Variants in NAT1 observed in about 807,000 individuals in gnomAD.
NAT1 encodes the protein arylamine N-acetyltransferase 1.
For missense variants in NAT1, 400 were observed against 339.2 expected (o/e 1.18, Z -1.41); for synonymous variants, 144 against 122.6 (o/e 1.17, Z -1.16).
chr8:18,175,285 G>A (rs1280915478), intron 2 of NAT1, among the ~76,000 whole-genome samples: 12 of 151,880 alleles, frequency 7.9e-5, no homozygotes. Context: ...TGGTCAAAAT[G>A]CAGTGCAACC....
At chr8:18,194,588 A>T (rs953464053) in intron 2 of NAT1, among the ~76,000 whole-genome samples, 69 of 152,212 alleles carry the variant, frequency 4.5e-4, no homozygotes, top group African/African-American at 1.6e-3. Flanking sequence ...TGGGAGGCTG[A>T]GGCAGGTGAT....
intron 2 of NAT1, 61 bp downstream of exon 2, chr8:18,219,550 T>G: frequency 1.2e-6 from 1 of 856,428 alleles, no homozygotes; most frequent in Non-Finnish European, 1.9e-6. Flanking sequence ...CTCTGCCTCC[T>G]TTAAGTCTTA....
intron 2 of NAT1, chr8:18,170,792 A>G (rs1802067735): frequency 1.3e-5 from 2 of 151,996 alleles, no homozygotes; most frequent in Admixed American, 6.6e-5. Flanking sequence ...CTGGGCCTGA[A>G]TTGCTGGGTG....
chr8:18,211,718 C>T (rs1804123591), intron 1 of NAT1, among the ~76,000 whole-genome samples: 1 of 152,060 alleles, frequency 6.6e-6, no homozygotes, highest in Non-Finnish European at 1.5e-5. Context: ...GCCCAGTGAG[C>T]TGGCTTAGGA....
intron 2 of NAT1, among the ~76,000 whole-genome samples, chr8:18,176,366 C>T (rs539719589): frequency 3.6e-4 from 55 of 151,976 alleles, no homozygotes; most frequent in Non-Finnish European, 6.9e-4. Context: ...TCAGGTCTTA[C>T]GTTTAAGTAT....
chr8:18,221,946 G>A (rs1589130623), intron 2 of NAT1, 96 bp from the exon 3 acceptor site: 2 of 1,250,640 alleles, frequency 1.6e-6, no homozygotes, highest in East Asian at 2.3e-5. Flanking sequence ...TATAACCATT[G>A]TATTTTTACA....
At chr8:18,189,891 G>A (rs1007706920) in intron 2 of NAT1, among the ~76,000 whole-genome samples, 2 of 152,162 alleles carry the variant, frequency 1.3e-5, no homozygotes, top group Admixed American at 1.3e-4. Context: ...CTGGGTTCAA[G>A]CGATTCTCCT....
intron 2 of NAT1, among the ~76,000 whole-genome samples, chr8:18,194,153 A>C (rs1160421325): frequency 3.3e-5 from 5 of 152,014 alleles, no homozygotes; most frequent in Non-Finnish European, 7.4e-5. Context: ...TGTTCACTGG[A>C]GGTGGGGGAG....
intron 2 of NAT1, among the ~76,000 whole-genome samples, chr8:18,178,201 TC>T (rs200607372): frequency 0.031 from 4,693 of 152,134 alleles, 233 homozygotes; most frequent in African/African-American, 0.11. Context: ...ACTGTATGTT[TC>T]TAGGAACCTC....
chr8:18,174,293 C>T (rs960202852), intron 2 of NAT1, among the ~76,000 whole-genome samples: 2 of 152,064 alleles, frequency 1.3e-5, no homozygotes, highest in Non-Finnish European at 2.9e-5. Flanking sequence ...CTCAGCAAGC[C>T]GTATTTCATC....
At chr8:18,182,576 T>A (rs1802563239) in intron 2 of NAT1, among the ~76,000 whole-genome samples, 1 of 152,220 alleles carries the variant, frequency 6.6e-6, no homozygotes, top group Admixed American at 6.5e-5. Context: ...ATGAATTTGG[T>A]GTCCACATGA....
chr8:18,174,336 A>G (rs1237499218), intron 2 of NAT1, among the ~76,000 whole-genome samples: 4 of 152,130 alleles, frequency 2.6e-5, no homozygotes, highest in Non-Finnish European at 5.9e-5. Flanking sequence ...TTGCTAATGA[A>G]GATTAAACAC....
Position 18,222,856 on chromosome 8 carries a change from T to C in NAT1, c.809T>C (p.Ile270Thr). The C allele has an allele frequency of 2.5e-6, 4 of 1,599,656 alleles. No homozygotes were observed. The highest frequency in any genetic ancestry group is 1.1e-5 in the South Asian group (1 of 87,088). ...EEEIEKVLKN[I>T]FNISLQRKLV... ...GAAATAGAAAAAGTGCTGAAAAATA[T>C]ATTTAATATTTCCTTGCAGAGAAAG... The change falls in exon 3 of 3, where the codon ATA (isoleucine) becomes ACA (threonine). Residue 270 changes from isoleucine to threonine, a missense_variant. Transcript: ENST00000307719.
chr8:18,207,884 G>A (rs1803793076), upstream of NAT1, among the ~76,000 whole-genome samples: 2 of 152,170 alleles, frequency 1.3e-5, no homozygotes, highest in Non-Finnish European at 2.9e-5. Flanking sequence ...GTCATTGGCA[G>A]ACTAAACAAA....
intron 2 of NAT1, among the ~76,000 whole-genome samples, chr8:18,177,327 G>T (rs915398395): frequency 6.6e-6 from 1 of 151,992 alleles, no homozygotes; most frequent in African/African-American, 2.4e-5. Flanking sequence ...ACTTAGATTT[G>T]ATCTTTGATA....
chr8:18,178,802 G>A (rs560267901), intron 2 of NAT1, among the ~76,000 whole-genome samples: 1 of 152,196 alleles, frequency 6.6e-6, no homozygotes, highest in South Asian at 2.1e-4. Flanking sequence ...TTTGAACAGA[G>A]ACTTCTATGG....
intron 1 of NAT1, among the ~76,000 whole-genome samples, chr8:18,219,200 A>T (rs946299881): frequency 6.6e-6 from 1 of 152,124 alleles, no homozygotes; most frequent in African/African-American, 2.4e-5. Flanking sequence ...TTTTTAAGCC[A>T]GAAGGCTGTA....
chr8:18,172,082 T>C (rs1802117571), intron 2 of NAT1, among the ~76,000 whole-genome samples: 1 of 152,180 alleles, frequency 6.6e-6, no homozygotes, highest in Non-Finnish European at 1.5e-5. Context: ...CTACTACCTC[T>C]AAGGACAACA....
At chr8:18,186,835 G>C (rs902685621) in intron 2 of NAT1, among the ~76,000 whole-genome samples, 1 of 152,108 alleles carries the variant, frequency 6.6e-6, no homozygotes, top group Non-Finnish European at 1.5e-5. Flanking sequence ...CACAGCAAAA[G>C]AAACTATCAA....
Sources: allele counts gnomAD v4.1 joint callset (sites outside exome capture counted in the v4.1 genomes callset), GRCh38; gene constraint gnomAD v4.1.1; transcripts MANE v1.5; gene names NCBI Gene and HGNC (gene_info 2026-07-23, HGNC 2026-07-21).